The following KDM4C variants were observed in gnomAD, a reference collection of about 807,000 sequenced individuals.
KDM4C encodes the protein lysine-specific demethylase 4C.
In KDM4C, 81 loss-of-function variants were observed where a neutral mutation model predicts 129.3. That is an observed-to-expected ratio of 0.63 (90% CI 0.52 to 0.75). The LOEUF (loss-of-function observed/expected upper bound fraction) is 0.75. KDM4C is among the 30% of genes least tolerant of loss of function. The pLI is 0.00. For synonymous variants in KDM4C, 573 were observed against 456.1 expected, an observed-to-expected ratio of 1.26 and a Z score of -3.26; for missense variants, 1,457 against 1,304.0, an observed-to-expected ratio of 1.12 and a Z score of -1.81.
intron 17 of KDM4C, among the ~76,000 whole-genome samples, chr9:7,078,310 GT>G (rs1314780320): frequency 7.3e-5 from 11 of 151,572 alleles, no homozygotes; most frequent in Admixed American, 7.2e-4. Context: ...AAACACCATA[GT>G]TTTTTATATA....
chr9:6,835,979 T>A (rs12001056), intron 4 of KDM4C, among the ~76,000 whole-genome samples: 56 of 152,310 alleles, frequency 3.7e-4, no homozygotes, highest in African/African-American at 1.3e-3. Flanking sequence ...CAAATTTTTT[T>A]AAATTTTTGC....
chr9:6,873,280 G>T (rs922284332), intron 5 of KDM4C, among the ~76,000 whole-genome samples: 13 of 152,168 alleles, frequency 8.5e-5, no homozygotes, highest in African/African-American at 2.9e-4. Context: ...TGGGATTACA[G>T]GAGTGAGCTA....
At chr9:6,996,184 T>A (rs1819711306) in intron 12 of KDM4C, among the ~76,000 whole-genome samples, 1 of 152,216 alleles carries the variant, frequency 6.6e-6, no homozygotes, top group Non-Finnish European at 1.5e-5. Flanking sequence ...CACTCACAAA[T>A]GTTTTAAGCC....
chr9:6,746,470 T>C (rs1343780710), intron 1 of KDM4C, among the ~76,000 whole-genome samples: 2 of 148,508 alleles, frequency 1.3e-5, no homozygotes, highest in Non-Finnish European at 3.0e-5. Flanking sequence ...GGTTTCACCG[T>C]GTTAGCCAGG....
At chr9:6,930,780 C>T (rs984910215) in intron 8 of KDM4C, among the ~76,000 whole-genome samples, 1 of 150,516 alleles carries the variant, frequency 6.6e-6, no homozygotes, top group Non-Finnish European at 1.5e-5. Context: ...ATCATTCTTT[C>T]ATACCTTTTC....
intron 5 of KDM4C, among the ~76,000 whole-genome samples, chr9:6,851,001 C>G (rs1193448734): frequency 6.6e-6 from 1 of 151,860 alleles, no homozygotes; most frequent in African/African-American, 2.4e-5. Flanking sequence ...GTGAGCCACC[C>G]TCCTTGGCCT....
intron 6 of KDM4C, among the ~76,000 whole-genome samples, chr9:6,883,140 GCTCT>G (rs1844738150): frequency 6.6e-6 from 1 of 152,100 alleles, no homozygotes; most frequent in South Asian, 2.1e-4. Context: ...AAATTAACCT[GCTCT>G]CATACCTCTC....
intron 5 of KDM4C, among the ~76,000 whole-genome samples, chr9:6,860,336 G>C (rs923177640): frequency 5.3e-5 from 8 of 152,120 alleles, no homozygotes; most frequent in African/African-American, 1.9e-4. Context: ...GAAGGATTGA[G>C]TTATGTCTTG....
chr9:6,793,844 CT>C (rs890465011), intron 2 of KDM4C, among the ~76,000 whole-genome samples: 4 of 151,092 alleles, frequency 2.6e-5, no homozygotes, highest in South Asian at 2.1e-4. Context: ...TGCCCGGCCT[CT>C]TTTTTTTTAT....
intron 18 of KDM4C, among the ~76,000 whole-genome samples, chr9:7,109,987 A>G (rs1345726954): frequency 6.6e-6 from 1 of 152,134 alleles, no homozygotes; most frequent in Non-Finnish European, 1.5e-5. Context: ...CTGTCCTGTG[A>G]GGAGGTGCCT....
chr9:7,076,026 G>A (rs1040534175), intron 17 of KDM4C, among the ~76,000 whole-genome samples: 2 of 152,090 alleles, frequency 1.3e-5, no homozygotes, highest in African/African-American at 4.8e-5. Flanking sequence ...AACATTTATG[G>A]CATGTGAGCC....
upstream of KDM4C, among the ~76,000 whole-genome samples, chr9:6,754,139 G>C (rs898293496): frequency 1.3e-5 from 2 of 151,870 alleles, no homozygotes; most frequent in Non-Finnish European, 2.9e-5. Flanking sequence ...GCCTCCCAAA[G>C]TGTTGGGATT....
Position 7,091,448 on chromosome 9 carries a change from G to A in KDM4C, c.2425-12237G>A, listed in dbSNP as rs962765536. On this transcript the variant is annotated intron_variant, in intron 17 of 21. Coordinates refer to ENST00000381309, the MANE Select transcript of KDM4C (RefSeq NM_015061.6). ...ATACTTAAAATCATTTAAAGAAAGA[G>A]TTTTTCCCTCTAGGAAAAGGCAGAA... Among the ~76,000 whole-genome samples, 3 of 152,096 alleles carry A rather than the reference G, an allele frequency of 2.0e-5. 1 individual carries two copies. In the South Asian group the frequency reaches 6.2e-4, roughly 32 times the overall value.
chr9:6,978,975 A>T (rs1453291469), intron 8 of KDM4C: 3 of 152,188 alleles, frequency 2.0e-5, no homozygotes, highest in African/African-American at 7.2e-5. Context: ...TTTCCTCAGA[A>T]ATAGTGTTCT....
chr9:6,927,138 TCTG>T (rs774994668), intron 8 of KDM4C, among the ~76,000 whole-genome samples: 1 of 151,640 alleles, frequency 6.6e-6, no homozygotes, highest in Non-Finnish European at 1.5e-5. Flanking sequence ...TATCTATCTA[TCTG>T]TTTTTTGAGA....
At chr9:6,885,880 C>T (rs1845189792) in intron 6 of KDM4C, among the ~76,000 whole-genome samples, 2 of 152,184 alleles carry the variant, frequency 1.3e-5, no homozygotes, top group Admixed American at 1.3e-4. Context: ...AAATTACCTT[C>T]CTTCAGTGGT....
intron 18 of KDM4C, among the ~76,000 whole-genome samples, chr9:7,111,694 G>A (rs754366125): frequency 1.3e-5 from 2 of 152,182 alleles, no homozygotes; most frequent in African/African-American, 2.4e-5. Context: ...TCTAAGACAT[G>A]TCAGGTTTAC....
intron 8 of KDM4C, among the ~76,000 whole-genome samples, chr9:6,965,161 A>G (rs577267951): frequency 6.6e-6 from 1 of 152,076 alleles, no homozygotes; most frequent in Non-Finnish European, 1.5e-5. Flanking sequence ...GAAAAATTAT[A>G]TGTAGGAAAT....
intron 19 of KDM4C, among the ~76,000 whole-genome samples, chr9:7,131,957 C>T (rs1840689529): frequency 6.6e-6 from 1 of 152,186 alleles, no homozygotes; most frequent in Non-Finnish European, 1.5e-5. Context: ...CTCTAATCCA[C>T]ACAATGTGCA....
Sources: gnomAD v4.1 joint callset for allele counts (sites outside exome capture counted in the v4.1 genomes callset) on GRCh38, gnomAD v4.1.1 for gene constraint, MANE v1.5 for transcripts, NCBI Gene and HGNC (gene_info 2026-07-23, HGNC 2026-07-21) for gene names.